Variants in MECOM observed in about 807,000 individuals in gnomAD.
MECOM encodes MDS1 and EVI1 complex locus, also known as histone-lysine N-methyltransferase MECOM.
A neutral mutation model predicts 116.3 loss-of-function variants in MECOM; 13 were observed. The observed-to-expected ratio is 0.11, with a 90% CI of 0.07 to 0.18. The LOEUF (loss-of-function observed/expected upper bound fraction) is 0.18, where lower values mean the gene tolerates loss of function less well. Ranked by LOEUF, MECOM falls within the 10% of genes least tolerant of loss-of-function variation. The probability of loss-of-function intolerance (pLI) is 1.00; values close to 1 mark genes in which losing one functional copy is unlikely to be tolerated. For synonymous variants in MECOM, 528 were observed against 535.2 expected (o/e 0.99, Z 0.19); for missense variants, 1,299 against 1,509.0 (o/e 0.86, Z 2.31).
At chr3:169,475,599 T>C (rs780228415) in intron 1 of MECOM, among the ~76,000 whole-genome samples, 13 of 151,960 alleles carry the variant, frequency 8.6e-5, no homozygotes, top group Non-Finnish European at 1.3e-4. Flanking sequence ...TTTTTCCGAA[T>C]CTAATAGCTG....
At chr3:169,147,337 C>A (rs1233203004) in intron 2 of MECOM, 2 of 985,406 alleles carry the variant, frequency 2.0e-6, no homozygotes, top group Middle Eastern at 5.2e-4. Flanking sequence ...GGGATCGTCC[C>A]CTTTCGCAAC....
chr3:169,499,819 G>C (rs1027479440), intron 1 of MECOM, among the ~76,000 whole-genome samples: 1 of 152,062 alleles, frequency 6.6e-6, no homozygotes, highest in Non-Finnish European at 1.5e-5. Context: ...AGGAGGTTAA[G>C]ACTACTAACT....
intron 2 of MECOM, among the ~76,000 whole-genome samples, chr3:169,162,835 T>A (rs1743044494): frequency 1.3e-5 from 2 of 152,146 alleles, no homozygotes; most frequent in Admixed American, 6.5e-5. Flanking sequence ...TAGAAATAAT[T>A]CTTCTGGTAA....
intron 1 of MECOM, among the ~76,000 whole-genome samples, chr3:169,638,768 G>A (rs986566361): frequency 1.3e-5 from 2 of 152,150 alleles, no homozygotes; most frequent in African/African-American, 4.8e-5. Context: ...TAACATCCGT[G>A]GCAGAGTCAG....
chr3:169,597,790 G>C (rs550162784), intron 1 of MECOM, among the ~76,000 whole-genome samples: 1 of 152,072 alleles, frequency 6.6e-6, no homozygotes, highest in African/African-American at 2.4e-5. Context: ...AACACACAAG[G>C]CCTAATATCC....
At chr3:169,626,555 T>C (rs752936653) in intron 1 of MECOM, among the ~76,000 whole-genome samples, 3 of 152,234 alleles carry the variant, frequency 2.0e-5, no homozygotes, top group East Asian at 3.8e-4. Context: ...AACTAGCCTG[T>C]GGTGAGTAGC....
At chr3:169,197,123 T>C (rs1748512407) in intron 2 of MECOM, among the ~76,000 whole-genome samples, 2 of 151,870 alleles carry the variant, frequency 1.3e-5, no homozygotes, top group African/African-American at 2.4e-5. Flanking sequence ...CAAGAACTCA[T>C]TGACACAAAG....
intron 2 of MECOM, among the ~76,000 whole-genome samples, chr3:169,266,463 A>G (rs1000624103): frequency 6.6e-6 from 1 of 152,144 alleles, no homozygotes; most frequent in African/African-American, 2.4e-5. Context: ...TCGTTAAATG[A>G]TTTTTGTTGT....
intron 1 of MECOM, among the ~76,000 whole-genome samples, chr3:169,467,470 T>G (rs888847056): frequency 1.3e-5 from 2 of 152,136 alleles, no homozygotes; most frequent in Non-Finnish European, 2.9e-5. Flanking sequence ...GGCAAGGAAA[T>G]CCAGTATTAA....
At chr3:169,418,450 A>C (rs965576933) in intron 1 of MECOM, among the ~76,000 whole-genome samples, 2 of 152,216 alleles carry the variant, frequency 1.3e-5, no homozygotes, top group African/African-American at 4.8e-5. Flanking sequence ...CAACAAAAAA[A>C]CAAAATTTCA....
chr3:169,378,862 C>A (rs1731898215), intron 2 of MECOM, among the ~76,000 whole-genome samples: 2 of 151,962 alleles, frequency 1.3e-5, no homozygotes, highest in South Asian at 2.1e-4. Context: ...GCATAGTAGT[C>A]CCTCAATAAT....
At chr3:169,478,376 T>G (rs1750792221) in intron 1 of MECOM, among the ~76,000 whole-genome samples, 1 of 152,198 alleles carries the variant, frequency 6.6e-6, no homozygotes, top group South Asian at 2.1e-4. Flanking sequence ...CTATCTACAC[T>G]TGTTTTACAG....
chr3:169,459,366 A>G (rs16853791), intron 1 of MECOM, among the ~76,000 whole-genome samples: 6,726 of 152,296 alleles, frequency 0.044, 479 homozygotes, highest in East Asian at 0.2. Context: ...TTTTAGGAAC[A>G]TCTGGGTTGT....
chr3:169,631,558 C>A (rs911114167), intron 1 of MECOM, among the ~76,000 whole-genome samples: 4 of 150,614 alleles, frequency 2.7e-5, no homozygotes, highest in Admixed American at 2.6e-4. Context: ...TGTGCTGCAC[C>A]CATTAACTCG....
intron 1 of MECOM, among the ~76,000 whole-genome samples, chr3:169,643,538 C>T (rs922672866): frequency 6.6e-6 from 1 of 152,164 alleles, no homozygotes; most frequent in African/African-American, 2.4e-5. Flanking sequence ...TGAGCACAAA[C>T]CAATCTTGTT....
chr3:169,245,784 G>C (rs1450581033), intron 2 of MECOM, among the ~76,000 whole-genome samples: 1 of 152,088 alleles, frequency 6.6e-6, no homozygotes, highest in Non-Finnish European at 1.5e-5. Flanking sequence ...TTATATGCTT[G>C]AATTAATTTA....
In MECOM at chr3:169,663,511, TC is replaced by T. The variant is rs1184865589; in HGVS notation, c.-140del. The T allele has an allele frequency of 2.2e-4, 151 of 673,104 alleles. No individual in the cohort carries two copies. Among genetic ancestry groups the T allele is most frequent in the Non-Finnish European group, 3.6e-4 (138 of 382,590 alleles). 41.7% of individuals were successfully genotyped at this position (673,104 alleles called of 1,614,324 possible). On this transcript the variant is annotated 5_prime_UTR_variant, in exon 1 of 17. Coordinates refer to ENST00000651503, the MANE Select transcript of MECOM (RefSeq NM_004991.4). Reference sequence around the variant, plus strand: ...CTCTCTCTCTCTCTCTCTCTCTCTCTCTCTCTCTCTCTCTCTCTCCCTCCCT... The same window carrying T: ...CTCTCTCTCTCTCTCTCTCTCTCTCTTCTCTCTCTCTCTCTCTCCCTCCCT...
At chr3:169,278,509 G>A (rs1441393084) in intron 2 of MECOM, among the ~76,000 whole-genome samples, 1 of 152,164 alleles carries the variant, frequency 6.6e-6, no homozygotes, top group East Asian at 1.9e-4. Context: ...TAACATAAAA[G>A]CCAACATAGA....
intron 2 of MECOM, among the ~76,000 whole-genome samples, chr3:169,335,490 T>A (rs1483349327): frequency 1.3e-5 from 2 of 152,106 alleles, no homozygotes; most frequent in Admixed American, 1.3e-4. Context: ...GCTTGGAAGG[T>A]TGGGGAAGAA....
Sources: allele counts gnomAD v4.1 joint callset (sites outside exome capture counted in the v4.1 genomes callset), GRCh38; gene constraint gnomAD v4.1.1; transcripts MANE v1.5; gene names NCBI Gene and HGNC (gene_info 2026-07-23, HGNC 2026-07-21).